Variants in CCDC148 observed in about 807,000 individuals in gnomAD.
The protein encoded by CCDC148 is coiled-coil domain-containing protein 148.
In CCDC148, 89 loss-of-function variants were observed where a neutral mutation model predicts 85.7. The ratio of observed to expected loss-of-function variants is 1.04; its 90% CI spans 0.87 to 1.24. CCDC148 has a LOEUF of 1.24. CCDC148 is among the 50% of genes most tolerant of loss of function. The probability of loss-of-function intolerance (pLI) is 0.00; values close to 1 mark genes in which losing one functional copy is unlikely to be tolerated. For missense variants in CCDC148, 692 were observed against 671.7 expected (o/e 1.03, Z -0.33); for synonymous variants, 230 against 213.9 (o/e 1.08, Z -0.66).
chr2:158,226,787 G>A (rs1380366555), intron 10 of CCDC148, among the ~76,000 whole-genome samples: 6 of 152,132 alleles, frequency 3.9e-5, no homozygotes, highest in African/African-American at 1.4e-4. Context: ...AATAAATTAG[G>A]TATTGATGGG....
chr2:158,281,630 A>T (rs1337250226), intron 9 of CCDC148, among the ~76,000 whole-genome samples: 2 of 152,230 alleles, frequency 1.3e-5, no homozygotes, highest in Non-Finnish European at 2.9e-5. Flanking sequence ...TTGTGGCAAT[A>T]ATCAACAGCT....
intron 13 of CCDC148, among the ~76,000 whole-genome samples, chr2:158,175,931 A>G (rs1361000298): frequency 1.3e-5 from 2 of 151,956 alleles, no homozygotes; most frequent in Admixed American, 6.6e-5. Flanking sequence ...CAATCCATCC[A>G]TCTAAAAGAT....
intron 1 of CCDC148, among the ~76,000 whole-genome samples, chr2:158,438,030 G>C (rs1025305979): frequency 6.6e-6 from 1 of 152,106 alleles, no homozygotes; most frequent in Middle Eastern, 3.2e-3. Context: ...AATCAATATC[G>C]TGAAAATGGC....
At chr2:158,244,293 C>T (rs1688477293) in intron 10 of CCDC148, among the ~76,000 whole-genome samples, 1 of 151,994 alleles carries the variant, frequency 6.6e-6, no homozygotes, top group South Asian at 2.1e-4. Context: ...TAAAAATTGC[C>T]TCAAATTTAG....
At chr2:158,291,812 G>A (rs1367127989) in intron 9 of CCDC148, among the ~76,000 whole-genome samples, 1 of 152,146 alleles carries the variant, frequency 6.6e-6, no homozygotes, top group Non-Finnish European at 1.5e-5. Flanking sequence ...AAAACTATTT[G>A]TTGAATGAGT....
intron 10 of CCDC148, among the ~76,000 whole-genome samples, chr2:158,227,670 G>C (rs929888079): frequency 2.0e-5 from 3 of 152,160 alleles, no homozygotes; most frequent in African/African-American, 4.8e-5. Context: ...ACAACCATCT[G>C]ATCTTTGACA....
chr2:158,413,372 T>G (rs1469857503), intron 1 of CCDC148, among the ~76,000 whole-genome samples: 1 of 152,154 alleles, frequency 6.6e-6, no homozygotes, highest in Non-Finnish European at 1.5e-5. Flanking sequence ...TACTCTACAG[T>G]GCCATTTTAA....
At chr2:158,176,324 A>G (rs1033455560) in intron 13 of CCDC148, among the ~76,000 whole-genome samples, 197 bp downstream of exon 13, 1 of 152,080 alleles carries the variant, frequency 6.6e-6, no homozygotes, top group Non-Finnish European at 1.5e-5. Context: ...CTCTTGTTCT[A>G]TGGTAGCCTA....
chr2:158,359,434 A>G (rs948176171), intron 1 of CCDC148, among the ~76,000 whole-genome samples: 5 of 152,186 alleles, frequency 3.3e-5, no homozygotes, highest in Non-Finnish European at 5.9e-5. Context: ...GCGCCCAGCT[A>G]GATCGATGCA....
intron 11 of CCDC148, among the ~76,000 whole-genome samples, chr2:158,207,858 T>C (rs888561889): frequency 6.6e-6 from 1 of 152,106 alleles, no homozygotes. Context: ...GCATACGTAA[T>C]TCACAGTACA....
intron 1 of CCDC148, among the ~76,000 whole-genome samples, chr2:158,429,374 T>TAGATAGAC: frequency 6.6e-6 from 1 of 151,594 alleles, no homozygotes; most frequent in Non-Finnish European, 1.5e-5. Context: ...GATAGATAGA[T>TAGATAGAC]AGATAGATAG....
chr2:158,267,843 C>T (rs1427576872), intron 9 of CCDC148, among the ~76,000 whole-genome samples: 1 of 152,146 alleles, frequency 6.6e-6, no homozygotes, highest in Non-Finnish European at 1.5e-5. Context: ...AGGCATTACA[C>T]AGTATGTAGT....
chr2:158,187,539 C>A (rs555950671), intron 11 of CCDC148, among the ~76,000 whole-genome samples: 1 of 152,120 alleles, frequency 6.6e-6, no homozygotes, highest in Non-Finnish European at 1.5e-5. Context: ...GTCCACTCCA[C>A]TCTATGGAAA....
At chr2:158,372,543 T>G (rs1264655039) in intron 1 of CCDC148, among the ~76,000 whole-genome samples, 1 of 152,028 alleles carries the variant, frequency 6.6e-6, no homozygotes, top group Non-Finnish European at 1.5e-5. Flanking sequence ...GGAGTCTACT[T>G]TCCCAGCCTA....
At chr2:158,331,162 C>T (rs540541398) in intron 7 of CCDC148, among the ~76,000 whole-genome samples, 2 of 152,108 alleles carry the variant, frequency 1.3e-5, no homozygotes, top group African/African-American at 2.4e-5. Context: ...ATAAATTTTC[C>T]TCTACACACT....
chr2:158,428,202 G>A (rs753495139), intron 1 of CCDC148, among the ~76,000 whole-genome samples: 16 of 152,090 alleles, frequency 1.1e-4, no homozygotes, highest in Non-Finnish European at 2.4e-4. Context: ...GATGAAAGAT[G>A]ATATGTAGCT....
At chr2:158,396,014 C>T (rs1176942295) in intron 1 of CCDC148, among the ~76,000 whole-genome samples, 2 of 152,090 alleles carry the variant, frequency 1.3e-5, no homozygotes, top group Admixed American at 6.5e-5. Context: ...TGGCTAAGGA[C>T]AGTCCAACTA....
chr2:158,383,085 A>C (rs1489046107), intron 1 of CCDC148, among the ~76,000 whole-genome samples: 1 of 151,980 alleles, frequency 6.6e-6, no homozygotes, highest in Non-Finnish European at 1.5e-5. Flanking sequence ...GGATCACCTG[A>C]GGTCAGGAGT....
chr2:158,172,201 CT>C lies in CCDC148; in HGVS notation c.1687del (p.Arg563GlufsTer44). Reference sequence around the variant, plus strand: ...TAATATCTCTTTAGCATAAAGTGTTCTATGAAGTCCAGCTTCTCGAAGTGCT... The same window carrying C: ...TAATATCTCTTTAGCATAAAGTGTTCATGAAGTCCAGCTTCTCGAAGTGCT... ...ELALREAGLH[R>X]TLYAKEILPK... On this transcript the variant is annotated frameshift_variant, in exon 14 of 14. Coordinates refer to ENST00000283233, the MANE Select transcript of CCDC148 (RefSeq NM_138803.4). LOFTEE classifies it high-confidence loss of function. The C allele has an allele frequency of 6.2e-7, 1 of 1,609,162 alleles. No homozygotes were observed. Among genetic ancestry groups the C allele is most frequent in the Non-Finnish European group, 8.5e-7 (1 of 1,177,398 alleles).
Sources: gnomAD v4.1 joint callset for allele counts (sites outside exome capture counted in the v4.1 genomes callset) on GRCh38, gnomAD v4.1.1 for gene constraint, MANE v1.5 for transcripts, NCBI Gene and HGNC (gene_info 2026-07-23, HGNC 2026-07-21) for gene names.